WNT2: variants seen among roughly 807,000 people sequenced by gnomAD.
WNT2 encodes protein Wnt-2.
WNT2 carries 12 observed loss-of-function variants against 36.9 expected under a neutral mutation model. The ratio of observed to expected loss-of-function variants is 0.33; its 90% CI spans 0.21 to 0.53. The LOEUF (loss-of-function observed/expected upper bound fraction) is 0.53. Ranked by LOEUF, WNT2 falls within the 20% of genes least tolerant of loss-of-function variation. The pLI, the probability that WNT2 is intolerant of heterozygous loss-of-function variation, is 0.95. For synonymous variants in WNT2, 163 were observed against 174.6 expected, an observed-to-expected ratio of 0.93 and a Z score of 0.52; for missense variants, 379 against 473.1, an observed-to-expected ratio of 0.80 and a Z score of 1.84.
chr7:117,282,450 G>C (rs1009910471), intron 4 of WNT2, among the ~76,000 whole-genome samples: 3 of 151,636 alleles, frequency 2.0e-5, no homozygotes, highest in Non-Finnish European at 4.4e-5. Flanking sequence ...GGAGAAAGAG[G>C]AGGAGAGGAA....
At chr7:117,316,667 C>T (rs1315519576) in intron 2 of WNT2, among the ~76,000 whole-genome samples, 3 of 152,184 alleles carry the variant, frequency 2.0e-5, no homozygotes, top group Non-Finnish European at 4.4e-5. Context: ...AACATATCTA[C>T]ACCATATTAA....
At chr7:117,281,242 T>A (rs1169746459) in intron 4 of WNT2, among the ~76,000 whole-genome samples, 1 of 151,968 alleles carries the variant, frequency 6.6e-6, no homozygotes, top group Non-Finnish European at 1.5e-5. Flanking sequence ...TTGTTGTTGT[T>A]GTTATTGTTG....
intron 4 of WNT2, among the ~76,000 whole-genome samples, chr7:117,288,193 CAACTT>C (rs778305459): frequency 6.6e-5 from 10 of 152,112 alleles, no homozygotes; most frequent in Admixed American, 2.0e-4. Context: ...TTAAAAATGA[CAACTT>C]AAGAAAGTTT....
At position 117,278,379 on chromosome 7, in the gene WNT2, G is replaced by A; in HGVS notation, c.859C>T (p.Leu287=). 1 of 1,613,156 alleles carries A rather than the reference G, an allele frequency of 6.2e-7. No individual in the cohort carries two copies. Among genetic ancestry groups the A allele is most frequent in the Non-Finnish European group, 8.5e-7 (1 of 1,179,580 alleles). Residue 287 remains leucine, a synonymous_variant, in exon 5 of 5, where the codon CTG becomes TTG. Transcript: ENST00000265441. The part of the protein sequence containing the change: ...YCIRDREAGS[L]GTAGRVCNLT... The stretch of plus-strand genomic sequence containing the variant: ...TTGCACACACGGCCTGCTGTACCCA[G>A]GGAGCCTGGAAGACAAGCCAGGGAG...
At chr7:117,311,885 T>C (rs779073295) in intron 3 of WNT2, among the ~76,000 whole-genome samples, 2 of 152,196 alleles carry the variant, frequency 1.3e-5, no homozygotes, top group African/African-American at 2.4e-5. Flanking sequence ...CCACTGGTAT[T>C]GTAAGATTAA....
chr7:117,314,832 T>C (rs1292571953), intron 3 of WNT2, among the ~76,000 whole-genome samples: 2 of 152,144 alleles, frequency 1.3e-5, no homozygotes, highest in African/African-American at 4.8e-5. Context: ...ATCAACACAA[T>C]GCCAAACACA....
intron 4 of WNT2, among the ~76,000 whole-genome samples, chr7:117,288,982 A>T (rs1323717748): frequency 6.6e-6 from 1 of 152,020 alleles, no homozygotes. Flanking sequence ...CCAAGAGTAA[A>T]AGAACTGAGT....
intron 4 of WNT2, among the ~76,000 whole-genome samples, chr7:117,290,967 TA>T (rs1254193780): frequency 3.3e-5 from 5 of 152,262 alleles, no homozygotes; most frequent in African/African-American, 1.2e-4. Flanking sequence ...TTGGCTGACA[TA>T]TTTTTAATCA....
intron 4 of WNT2, among the ~76,000 whole-genome samples, chr7:117,293,309 G>A (rs913627443): frequency 3.9e-5 from 6 of 152,152 alleles, no homozygotes; most frequent in Middle Eastern, 3.2e-3. Flanking sequence ...TGGACAGGAA[G>A]CAGTTGCTGA....
chr7:117,307,461 C>T (rs892201657), intron 3 of WNT2, among the ~76,000 whole-genome samples: 2 of 152,176 alleles, frequency 1.3e-5, no homozygotes, highest in Admixed American at 6.5e-5. Context: ...ACACCAAAGT[C>T]GACATCACTC....
rs1794631770 is a variant in WNT2, at chr7:117,288,777, C to G, written c.853+8835G>C. Reference sequence around the variant, plus strand: ...TTCAATCTGATTACCACTGTCAATTCAAATTAAGGCACATTTTAGTGTATC... The same window carrying G: ...TTCAATCTGATTACCACTGTCAATTGAAATTAAGGCACATTTTAGTGTATC... On this transcript the variant is annotated intron_variant, in intron 4 of 4. Coordinates refer to ENST00000265441, the MANE Select transcript of WNT2 (RefSeq NM_003391.3). 4.0e-5 allele frequency among the ~76,000 whole-genome samples: 6 copies of G among 151,858 alleles called. No individual in the cohort carries two copies. The South Asian group carries it at 1.2e-3, about 31-fold the overall frequency.
chr7:117,303,900 C>T (rs1292563494), intron 3 of WNT2, among the ~76,000 whole-genome samples: 2 of 152,180 alleles, frequency 1.3e-5, no homozygotes, highest in Non-Finnish European at 2.9e-5. Context: ...GTTCCACCTG[C>T]TCGTCACTTC....
At position 117,278,209 on chromosome 7, in the gene WNT2, C is replaced by G. The variant is rs1409867652; in HGVS notation, c.1029G>C (p.Leu343=). 1 of 1,614,226 alleles carries G rather than the reference C, an allele frequency of 6.2e-7. No homozygotes were observed. Among genetic ancestry groups the G allele is most frequent in the South Asian group, 1.1e-5 (1 of 91,082 alleles). The part of the protein sequence containing the change: ...AVRCQDCLEA[L]DVHTCKAPKN... ...TGGGGGCCTTGCATGTGTGCACATC[C>G]AGAGCTTCCAGGCAGTCCTGACAGC... The change falls in exon 5 of 5, where the codon CTG becomes CTC. Residue 343 remains leucine, a synonymous_variant. Transcript: ENST00000265441.
chr7:117,307,885 C>T (rs1795043127), intron 3 of WNT2, among the ~76,000 whole-genome samples: 1 of 152,174 alleles, frequency 6.6e-6, no homozygotes, highest in Non-Finnish European at 1.5e-5. Flanking sequence ...TTTAGGTCCC[C>T]ATATACTGTG....
chr7:117,295,650 T>C (rs1223098911), intron 4 of WNT2, among the ~76,000 whole-genome samples: 1 of 152,210 alleles, frequency 6.6e-6, no homozygotes, highest in Non-Finnish European at 1.5e-5. Context: ...TCCTCTTATA[T>C]TTGAAATAAG....
intron 4 of WNT2, among the ~76,000 whole-genome samples, chr7:117,280,541 C>T (rs956723039): frequency 6.6e-6 from 1 of 152,164 alleles, no homozygotes; most frequent in Admixed American, 6.5e-5. Flanking sequence ...TAAGGACCTA[C>T]TGTAACCCAC....
rs148092523 is a variant in WNT2 at position 117,321,694 on chromosome 7, TTAAG to T, written c.84-905_84-902del. 7.3e-3 allele frequency among the ~76,000 whole-genome samples: 1,115 copies of T among 152,270 alleles called. 15 individuals are homozygous for T. Among genetic ancestry groups the T allele is most frequent in the African/African-American group, 0.026 (1,065 of 41,514 alleles). On this transcript the variant is annotated intron_variant, in intron 1 of 4. Coordinates refer to ENST00000265441, the MANE Select transcript of WNT2 (RefSeq NM_003391.3). The stretch of plus-strand genomic sequence containing the variant: ...CAGCTGTGACTTCCAAAAAATATAT[TTAAG>T]TGACAGCTGAGAGACAATGTGACAA...
intron 4 of WNT2, among the ~76,000 whole-genome samples, chr7:117,287,060 T>G (rs1034915665): frequency 6.6e-6 from 1 of 152,174 alleles, no homozygotes; most frequent in Non-Finnish European, 1.5e-5. Context: ...TCATAAGAGT[T>G]ACTCTCGGCC....
At position 117,322,655 on chromosome 7, in the gene WNT2, T is replaced by G. The variant is rs550025570; in HGVS notation, c.83+252A>C. The stretch of plus-strand genomic sequence containing the variant: ...CTGATTTTGCTGTCGCTCAGCTGGA[T>G]CCAAATAAACCAAACATCGGAGCTC... On this transcript the variant is annotated intron_variant, in intron 1 of 4. Coordinates refer to ENST00000265441, the MANE Select transcript of WNT2 (RefSeq NM_003391.3). The surrounding 1 kb of genome is among the most constrained non-coding windows in gnomAD (Gnocchi z 5.4). Among the ~76,000 whole-genome samples the G allele has an allele frequency of 1.3e-5, 2 of 152,032 alleles. No individual in the cohort carries two copies. The highest frequency in any genetic ancestry group is 1.3e-4 in the Admixed American group (2 of 15,292).
Sources: allele counts gnomAD v4.1 joint callset (sites outside exome capture counted in the v4.1 genomes callset), GRCh38; gene constraint gnomAD v4.1.1; non-coding constraint Gnocchi (gnomAD v3.1); transcripts MANE v1.5; gene names NCBI Gene and HGNC (gene_info 2026-07-23, HGNC 2026-07-21).